The following FN1 variants were observed in gnomAD, a reference collection of about 807,000 sequenced individuals.
The protein encoded by FN1 is fibronectin 1.
FN1 carries 106 observed loss-of-function variants against 297.3 expected under a neutral mutation model. The observed-to-expected ratio is 0.36, with a 90% CI of 0.30 to 0.42. The LOEUF (loss-of-function observed/expected upper bound fraction) is 0.42, where lower values mean the gene tolerates loss of function less well. FN1 is among the 10% of genes least tolerant of loss of function. FN1 has a pLI of 1.00. For missense variants in FN1, 2,690 were observed against 3,124.9 expected, an observed-to-expected ratio of 0.86 and a Z score of 3.32; for synonymous variants, 1,149 against 1,152.6, an observed-to-expected ratio of 1.00 and a Z score of 0.06.
chr2:215,406,144 T>C lies in FN1; in HGVS notation c.2986+94A>G. On this transcript the variant is annotated intron_variant, in intron 19 of 45. Coordinates refer to ENST00000354785, the MANE Select transcript of FN1 (RefSeq NM_212482.4). ...TGGGTATTTCCCTCTCTCTAAGCCA[T>C]ACACCTCTGAGTGAATGGTTTACTG... 3 of 1,288,384 alleles carry C rather than the reference T, an allele frequency of 2.3e-6. No individual in the cohort carries two copies. The Admixed American group carries it at 5.0e-5, about 22-fold the overall frequency. 79.8% of individuals were successfully genotyped at this position (1,288,384 alleles called of 1,614,324 possible).
chr2:215,424,397 G>T, intron 7 of FN1, 72 bp from the exon 8 acceptor site: 1 of 1,250,328 alleles, frequency 8.0e-7, no homozygotes, highest in Non-Finnish European at 1.2e-6. Flanking sequence ...CTTATTTATG[G>T]CTTCAATGAG....
intron 20 of FN1, among the ~76,000 whole-genome samples, chr2:215,402,043 C>A (rs1484497370): frequency 6.6e-6 from 1 of 152,090 alleles, no homozygotes; most frequent in Non-Finnish European, 1.5e-5. Flanking sequence ...AATGCCATGG[C>A]CAGCCCTGTG....
At chr2:215,383,873 C>G (rs2058549515) in intron 30 of FN1, 147 bp downstream of exon 30, 1 of 867,890 alleles carries the variant, frequency 1.2e-6, no homozygotes, top group Non-Finnish European at 1.8e-6. Flanking sequence ...TGGCTCAAAA[C>G]TCTGTTCGCT....
At position 215,391,833 on chromosome 2, in the gene FN1, G is replaced by T. The variant is rs1054754870; in HGVS notation, c.4070-19C>A. On this transcript the variant is annotated intron_variant, in intron 25 of 45. Coordinates refer to ENST00000354785, the MANE Select transcript of FN1 (RefSeq NM_212482.4). ...GGAACAGCTGGTTTCGAACAAGAAG[G>T]AAGACTCAGTTAATGTAATTTTAAA... 1.9e-6 allele frequency: 3 copies of T among 1,611,636 alleles called. No individual in the cohort carries two copies. Among genetic ancestry groups the T allele is most frequent in the Admixed American group, 3.3e-5 (2 of 59,996 alleles).
intron 13 of FN1, among the ~76,000 whole-genome samples, chr2:215,411,805 T>A (rs1444788675): frequency 6.6e-6 from 1 of 152,002 alleles, no homozygotes; most frequent in Non-Finnish European, 1.5e-5. Context: ...TAGCTGGGAT[T>A]ACAGGTATGC....
At chr2:215,395,632 G>T (rs1406703601) in intron 23 of FN1, among the ~76,000 whole-genome samples, 2 of 152,030 alleles carry the variant, frequency 1.3e-5, no homozygotes, top group Non-Finnish European at 2.9e-5. Context: ...AGTTGAGAGG[G>T]ATGAGAGACA....
intron 7 of FN1, 40 bp from the exon 8 acceptor site, chr2:215,424,365 CT>C: frequency 6.5e-7 from 1 of 1,535,856 alleles, no homozygotes; most frequent in Non-Finnish European, 9.0e-7. Flanking sequence ...AACAGAGATG[CT>C]TTATCTCCCA....
chr2:215,379,718 C>T (rs924259162), intron 33 of FN1: 31 of 244,538 alleles, frequency 1.3e-4, no homozygotes, highest in African/African-American at 2.8e-4. Flanking sequence ...AATTTAGAAA[C>T]GGTCTCTCTG....
chr2:215,383,252 C>T lies in FN1; in HGVS notation c.5050+76G>A. 6 of 1,423,446 alleles carry T rather than the reference C, an allele frequency of 4.2e-6. 1 individual carries two copies. The South Asian group carries it at 6.9e-5, about 16-fold the overall frequency. The allele number at this position is 1,423,446 out of a possible 1,614,324, so 88.2% of individuals were successfully genotyped here. On this transcript the variant is annotated intron_variant, in intron 31 of 45. Transcript: ENST00000354785. ...CGAACTCCTAACCTCAAGTGATCTG[C>T]CCGCATCAGCCTCCCAAAGTTCTGG...
intron 20 of FN1, among the ~76,000 whole-genome samples, chr2:215,402,802 A>G (rs1359433594): frequency 6.6e-6 from 1 of 152,210 alleles, no homozygotes; most frequent in East Asian, 1.9e-4. Flanking sequence ...TAAAATCATT[A>G]TATTTTATAT....
At chr2:215,378,533 G>A (rs1233023164) in intron 34 of FN1, among the ~76,000 whole-genome samples, 1 of 151,990 alleles carries the variant, frequency 6.6e-6, no homozygotes, top group African/African-American at 2.4e-5. Flanking sequence ...GAGAAAAGTG[G>A]GTATTAGCGT....
chr2:215,412,760 C>CTTTTTTTTTT lies in FN1; in HGVS notation c.1941+2067_1941+2076dup, dbSNP rs10524797. 4.8e-4 allele frequency among the ~76,000 whole-genome samples: 47 copies of CTTTTTTTTTT among 97,550 alleles called. 3 individuals carry two copies. Among genetic ancestry groups the CTTTTTTTTTT allele is most frequent in the African/African-American group, 1.2e-3 (27 of 23,306 alleles). The allele number at this position is 97,550 out of a possible 152,430, so 64.0% of individuals were successfully genotyped here. ...TAATTTAAAGTATTATATTAAGTAT[C>CTTTTTTTTTT]TTTTTTTTTTTTTTTTTTTTTTACT... is the stretch of plus-strand genomic sequence containing the variant. On this transcript the variant is annotated intron_variant, in intron 13 of 45. Coordinates refer to ENST00000354785, the MANE Select transcript of FN1 (RefSeq NM_212482.4).
chr2:215,427,520 T>A (rs1365953415), intron 6 of FN1, among the ~76,000 whole-genome samples: 1 of 152,234 alleles, frequency 6.6e-6, no homozygotes, highest in African/African-American at 2.4e-5. Context: ...AACTTGTTTT[T>A]TAAAAAGAAT....
intron 42 of FN1, among the ~76,000 whole-genome samples, chr2:215,366,717 T>C (rs528771365): frequency 3.2e-4 from 48 of 152,310 alleles, no homozygotes; most frequent in Middle Eastern, 6.8e-3. Flanking sequence ...AACTGTGATA[T>C]CAAAACAAAG....
intron 25 of FN1, chr2:215,392,428 A>C (rs1407799235): frequency 5.3e-6 from 1 of 187,850 alleles, no homozygotes; most frequent in Non-Finnish European, 1.1e-5. Context: ...AATGCTCCCA[A>C]GTTTACTTTT....
rs566189832 is a variant in FN1 at position 215,418,100 on chromosome 2, C to T, written c.1819+1142G>A. On this transcript the variant is annotated intron_variant, in intron 12 of 45. Coordinates refer to ENST00000354785, the MANE Select transcript of FN1 (RefSeq NM_212482.4). ...TACAAAAAATTAAGTGATTCCTACA[C>T]CTAAATCCTCCAAGAAATACAATTT... 3.9e-5 allele frequency among the ~76,000 whole-genome samples: 6 copies of T among 152,246 alleles called. No individual in the cohort carries two copies. In the South Asian group the frequency reaches 1.0e-3, roughly 26 times the overall value.
At chr2:215,421,987 T>C (rs1465666454) in intron 10 of FN1, 104 bp downstream of exon 10, 3 of 1,102,080 alleles carry the variant, frequency 2.7e-6, no homozygotes, top group Non-Finnish European at 2.8e-6. Flanking sequence ...TGGCATTCCA[T>C]ATTTCTTCCC....
At chr2:215,403,597 C>T (rs1286280412) in intron 20 of FN1, among the ~76,000 whole-genome samples, 1 of 152,094 alleles carries the variant, frequency 6.6e-6, no homozygotes, top group Non-Finnish European at 1.5e-5. Flanking sequence ...TCATAATTCT[C>T]TGTAATGTAA....
intron 6 of FN1, among the ~76,000 whole-genome samples, chr2:215,427,590 G>A (rs55691417): frequency 0.014 from 2,144 of 152,114 alleles, 42 homozygotes; most frequent in African/African-American, 0.049. Context: ...CTAAAATTTC[G>A]AATGCCAATA....
Sources: allele counts gnomAD v4.1 joint callset (sites outside exome capture counted in the v4.1 genomes callset), GRCh38; gene constraint gnomAD v4.1.1; transcripts MANE v1.5; gene names NCBI Gene and HGNC (gene_info 2026-07-23, HGNC 2026-07-21).